The following ROR1 variants were observed in gnomAD, a reference collection of about 807,000 sequenced individuals.
The protein encoded by ROR1 is ROR family WNT receptor 1.
A neutral mutation model predicts 78.8 loss-of-function variants in ROR1; 19 were observed. That is an observed-to-expected ratio of 0.24 (90% confidence interval 0.17 to 0.35). The LOEUF (loss-of-function observed/expected upper bound fraction) is 0.35, where lower values mean the gene tolerates loss of function less well. ROR1 is among the 10% of genes least tolerant of loss of function. The pLI, the probability that ROR1 is intolerant of heterozygous loss-of-function variation, is 1.00. For synonymous variants in ROR1, 386 were observed against 433.6 expected (o/e 0.89, Z 1.36); for missense variants, 917 against 1,177.8 (o/e 0.78, Z 3.24).
rs78387651 is a variant in ROR1 at position 63,784,681 on chromosome 1, C to T, written c.91+10173C>T. 2.3e-4 allele frequency among the ~76,000 whole-genome samples: 35 copies of T among 152,286 alleles called. No homozygotes were observed. The East Asian group carries it at 2.7e-3, about 12-fold the overall frequency. On this transcript the variant is annotated intron_variant, in intron 1 of 8. Coordinates refer to ENST00000371079, the MANE Select transcript of ROR1 (RefSeq NM_005012.4). ...ACTGCTCTGCCAGGTCAGCAAACTA[C>T]GTAACCTCTGAGACTGGCTTTCCTC...
chr1:64,061,313 T>A (rs902228229), intron 4 of ROR1, among the ~76,000 whole-genome samples: 2 of 152,134 alleles, frequency 1.3e-5, no homozygotes, highest in African/African-American at 4.8e-5. Flanking sequence ...ACAAAACCAG[T>A]CAAAAGTCCT....
At position 63,774,764 on chromosome 1, in the gene ROR1, G is replaced by A. The variant is rs926285922; in HGVS notation, c.91+256G>A. Among the ~76,000 whole-genome samples the A allele has an allele frequency of 6.6e-6, 1 of 151,938 alleles. No homozygotes were observed. The highest frequency in any genetic ancestry group is 2.4e-5 in the African/African-American group (1 of 41,430). On this transcript the variant is annotated intron_variant, in intron 1 of 8. Coordinates refer to ENST00000371079, the MANE Select transcript of ROR1 (RefSeq NM_005012.4). The surrounding 1 kb of genome is among the most constrained non-coding windows in gnomAD (Gnocchi z 5.7). ...CGTTCCTCGGTGCGCAGCAGCGATT[G>A]TCAGCGCTGACAGGAAGCGTGGAGG...
intron 4 of ROR1, among the ~76,000 whole-genome samples, chr1:64,056,400 C>T (rs1006443632): frequency 4.6e-5 from 7 of 151,658 alleles, no homozygotes; most frequent in South Asian, 2.1e-4. Flanking sequence ...GCCAGCCGGG[C>T]GCAGTGGTTC....
chr1:63,850,636 A>AT (rs1027430338), intron 1 of ROR1, among the ~76,000 whole-genome samples: 1 of 151,658 alleles, frequency 6.6e-6, no homozygotes, highest in East Asian at 1.9e-4. Context: ...AAGACTGGAG[A>AT]TTTTTTTTTC....
chr1:63,986,766 G>A (rs1310468960), intron 1 of ROR1, among the ~76,000 whole-genome samples: 1 of 151,764 alleles, frequency 6.6e-6, no homozygotes, highest in Non-Finnish European at 1.5e-5. Context: ...ACTTGGTGGT[G>A]TGTACCTGTG....
chr1:63,869,387 A>ACTGGGCCAACTTTGGCCTTTGTGC (rs1206029254), intron 1 of ROR1, among the ~76,000 whole-genome samples: 8 of 152,188 alleles, frequency 5.3e-5, no homozygotes, highest in African/African-American at 1.9e-4. Flanking sequence ...GCTCATTGTG[A>ACTGGGCCAACTTTGGCCTTTGTGC]CTGGGCCAAC....
chr1:63,917,019 C>T (rs903759533), intron 1 of ROR1, among the ~76,000 whole-genome samples: 3 of 152,182 alleles, frequency 2.0e-5, no homozygotes, highest in African/African-American at 7.2e-5. Flanking sequence ...CCTTCCCCTT[C>T]AGCTTTCAAT....
chr1:63,999,283 A>T (rs1646364543), intron 1 of ROR1, among the ~76,000 whole-genome samples: 1 of 152,218 alleles, frequency 6.6e-6, no homozygotes, highest in Non-Finnish European at 1.5e-5. Flanking sequence ...CATCTTTTCT[A>T]TGAAGATCGG....
chr1:64,074,272 A>G lies in ROR1; in HGVS notation c.482+23556A>G, dbSNP rs141043086. 2.9e-3 allele frequency among the ~76,000 whole-genome samples: 443 copies of G among 152,276 alleles called. 3 individuals carry two copies. The highest frequency in any genetic ancestry group is 0.01 in the African/African-American group (421 of 41,560). ...GGACTTGTCAGTTACATAAGCCTAT[A>G]AACACCTTTACCCCTCAACCCTCAT... On this transcript the variant is annotated intron_variant, in intron 4 of 8. Transcript: ENST00000371079.
intron 1 of ROR1, among the ~76,000 whole-genome samples, chr1:63,791,986 G>C (rs1258353575): frequency 6.6e-6 from 1 of 152,052 alleles, no homozygotes; most frequent in Non-Finnish European, 1.5e-5. Context: ...CAAAGACCCT[G>C]GTCATGGAGG....
Position 64,065,432 on chromosome 1 carries a change from C to A in ROR1, c.482+14716C>A, listed in dbSNP as rs940043033. Among the ~76,000 whole-genome samples the A allele has an allele frequency of 2.0e-5, 3 of 152,154 alleles. No individual in the cohort carries two copies. In the East Asian group the frequency reaches 5.8e-4, roughly 29 times the overall value. On this transcript the variant is annotated intron_variant, in intron 4 of 8. Transcript: ENST00000371079. ...GACTCACAACACTCAAATGGTTTAT[C>A]CTCATGGGGTAGTTTTATTACAGAC...
At chr1:63,941,514 C>T (rs1450299717) in intron 1 of ROR1, among the ~76,000 whole-genome samples, 2 of 152,210 alleles carry the variant, frequency 1.3e-5, no homozygotes, top group Non-Finnish European at 2.9e-5. Context: ...GCCCGGCTGT[C>T]TGCCACCACT....
At chr1:64,131,931 A>G (rs1156574220) in intron 4 of ROR1, among the ~76,000 whole-genome samples, 1 of 152,176 alleles carries the variant, frequency 6.6e-6, no homozygotes, top group East Asian at 1.9e-4. Context: ...AGAATTAACC[A>G]TATTAAAATG....
chr1:64,168,238 C>A (rs953445822), intron 8 of ROR1, among the ~76,000 whole-genome samples: 1 of 152,228 alleles, frequency 6.6e-6, no homozygotes, highest in African/African-American at 2.4e-5. Context: ...GACCACTTAA[C>A]TGACCTGTTC....
intron 8 of ROR1, among the ~76,000 whole-genome samples, chr1:64,162,318 A>G (rs1200089721): frequency 6.6e-6 from 1 of 152,228 alleles, no homozygotes; most frequent in African/African-American, 2.4e-5. Flanking sequence ...TGAGAAGAAG[A>G]GGCTCCTGTG....
intron 4 of ROR1, among the ~76,000 whole-genome samples, chr1:64,068,213 G>T (rs1319093051): frequency 6.6e-6 from 1 of 152,140 alleles, no homozygotes; most frequent in Non-Finnish European, 1.5e-5. Flanking sequence ...AAAAGCCTCA[G>T]TTCCAACATA....
At chr1:64,165,850 A>G (rs1444870487) in intron 8 of ROR1, among the ~76,000 whole-genome samples, 2 of 151,830 alleles carry the variant, frequency 1.3e-5, no homozygotes, top group Non-Finnish European at 2.9e-5. Flanking sequence ...GACTACAGGC[A>G]TGTACCACCA....
At chr1:63,872,722 T>G (rs1373152492) in intron 1 of ROR1, among the ~76,000 whole-genome samples, 1 of 152,206 alleles carries the variant, frequency 6.6e-6, no homozygotes, top group African/African-American at 2.4e-5. Flanking sequence ...AAGCCTAGCC[T>G]AATGCAAGAG....
At chr1:63,859,082 C>T (rs1370818575) in intron 1 of ROR1, among the ~76,000 whole-genome samples, 1 of 152,170 alleles carries the variant, frequency 6.6e-6, no homozygotes, top group Admixed American at 6.5e-5. Flanking sequence ...TGTCATGATG[C>T]TCAGCATGAC....
Sources: gnomAD v4.1 joint callset for allele counts (sites outside exome capture counted in the v4.1 genomes callset) on GRCh38, gnomAD v4.1.1 for gene constraint, Gnocchi (gnomAD v3.1) non-coding constraint, MANE v1.5 for transcripts, NCBI Gene and HGNC (gene_info 2026-07-23, HGNC 2026-07-21) for gene names.